Variants in MAML2 observed in about 807,000 individuals in gnomAD.
MAML2 encodes mastermind like transcriptional coactivator 2.
A neutral mutation model predicts 96.1 loss-of-function variants in MAML2; 22 were observed. That is an observed-to-expected ratio of 0.23 (90% confidence interval 0.16 to 0.33). The LOEUF (loss-of-function observed/expected upper bound fraction) is 0.33. Among genes scored for constraint, MAML2 ranks in the 10% least tolerant of loss-of-function variants. MAML2 has a pLI of 1.00. For synonymous variants in MAML2, 561 were observed against 521.3 expected, an observed-to-expected ratio of 1.08 and a Z score of -1.04; for missense variants, 1,367 against 1,392.4, an observed-to-expected ratio of 0.98 and a Z score of 0.29.
At chr11:95,989,363 C>A (rs763328961) in intron 3 of MAML2, among the ~76,000 whole-genome samples, 1 of 152,236 alleles carries the variant, frequency 6.6e-6, no homozygotes, top group Non-Finnish European at 1.5e-5. Flanking sequence ...CATTCTCATT[C>A]ATCTCACAGT....
At chr11:96,037,186 A>G (rs1858728238) in intron 2 of MAML2, among the ~76,000 whole-genome samples, 4 of 149,018 alleles carry the variant, frequency 2.7e-5, no homozygotes, top group Admixed American at 2.0e-4. Flanking sequence ...GAAAATAAAA[A>G]ATAAAAAAAC....
At chr11:96,303,902 G>A (rs529075) in intron 1 of MAML2, among the ~76,000 whole-genome samples, 14 of 151,944 alleles carry the variant, frequency 9.2e-5, no homozygotes, top group African/African-American at 3.1e-4. Context: ...AAAACAAAAA[G>A]AAAAAATATA....
chr11:96,176,511 T>C (rs902566390), intron 1 of MAML2, among the ~76,000 whole-genome samples: 1 of 152,178 alleles, frequency 6.6e-6, no homozygotes, highest in Admixed American at 6.5e-5. Context: ...GTGCTGCTGA[T>C]GGTCAGTAGG....
chr11:96,166,233 C>A (rs1861192845), intron 1 of MAML2, among the ~76,000 whole-genome samples: 1 of 147,734 alleles, frequency 6.8e-6, no homozygotes, highest in African/African-American at 2.5e-5. Context: ...TTATGAAGGA[C>A]TTTCAGGCTG....
chr11:96,325,632 T>C (rs1326860789), intron 1 of MAML2, among the ~76,000 whole-genome samples: 1 of 152,170 alleles, frequency 6.6e-6, no homozygotes, highest in Non-Finnish European at 1.5e-5. Flanking sequence ...CTGATCATTT[T>C]TTTTTTTCTG....
chr11:96,085,644 G>GTT (rs1344539607), intron 2 of MAML2, among the ~76,000 whole-genome samples: 2 of 152,096 alleles, frequency 1.3e-5, no homozygotes, highest in African/African-American at 4.8e-5. Flanking sequence ...TCTTTCCCTA[G>GTT]TTGGAAACTT....
chr11:96,122,369 C>A (rs1860362906), intron 1 of MAML2, among the ~76,000 whole-genome samples: 1 of 151,938 alleles, frequency 6.6e-6, no homozygotes, highest in Non-Finnish European at 1.5e-5. Context: ...TGCAGAAAAT[C>A]CTTCAGCCTA....
chr11:96,115,492 C>G (rs1860220416), intron 1 of MAML2, among the ~76,000 whole-genome samples: 1 of 151,524 alleles, frequency 6.6e-6, no homozygotes, highest in Non-Finnish European at 1.5e-5. Context: ...TTTTTAAACC[C>G]CATTCATACT....
chr11:96,234,179 G>A (rs1374047773), intron 1 of MAML2, among the ~76,000 whole-genome samples: 1 of 152,102 alleles, frequency 6.6e-6, no homozygotes, highest in Non-Finnish European at 1.5e-5. Flanking sequence ...AACACACCAA[G>A]CAGTTAAAAT....
At chr11:96,091,483 C>T (rs567402559) in intron 2 of MAML2, among the ~76,000 whole-genome samples, 10 of 100,102 alleles carry the variant, frequency 1.0e-4, no homozygotes, top group Admixed American at 4.4e-4. Flanking sequence ...CTCAATCCCA[C>T]CTCCAGCTTT....
chr11:96,189,780 A>C (rs748626750), intron 1 of MAML2, among the ~76,000 whole-genome samples: 1 of 152,234 alleles, frequency 6.6e-6, no homozygotes, highest in Admixed American at 6.5e-5. Flanking sequence ...CTAATTCTTC[A>C]TTCAGAAAAG....
intron 2 of MAML2, among the ~76,000 whole-genome samples, chr11:96,084,445 A>T (rs577788626): frequency 6.6e-6 from 1 of 152,288 alleles, no homozygotes; most frequent in South Asian, 2.1e-4. Flanking sequence ...GATATGTTTT[A>T]TCCAAGGGCA....
chr11:96,041,336 C>CAA (rs528688136), intron 2 of MAML2, among the ~76,000 whole-genome samples: 9,611 of 132,836 alleles, frequency 0.072, 376 homozygotes, highest in African/African-American at 0.11. Context: ...ACTAAAAATA[C>CAA]AAAAAAAAAA....
chr11:96,028,616 C>A (rs754462523), intron 2 of MAML2, among the ~76,000 whole-genome samples: 53 of 152,122 alleles, frequency 3.5e-4, no homozygotes, highest in Non-Finnish European at 7.2e-4. Context: ...TAATAAATAT[C>A]TGTAGAAAGA....
At chr11:96,268,911 T>G (rs1862870450) in intron 1 of MAML2, among the ~76,000 whole-genome samples, 1 of 144,810 alleles carries the variant, frequency 6.9e-6, no homozygotes, top group South Asian at 2.2e-4. Flanking sequence ...CTTAAGTATG[T>G]CTTTATTGGC....
intron 1 of MAML2, among the ~76,000 whole-genome samples, chr11:96,204,962 T>C (rs1861876377): frequency 6.6e-6 from 1 of 152,262 alleles, no homozygotes; most frequent in African/African-American, 2.4e-5. Context: ...ATCAGTGAAC[T>C]TCTTAAGAAT....
chr11:96,211,446 TAAA>T (rs5793789), intron 1 of MAML2, among the ~76,000 whole-genome samples: 2 of 141,622 alleles, frequency 1.4e-5, no homozygotes, highest in African/African-American at 2.6e-5. Context: ...TCTTTGAAAT[TAAA>T]AAAAAAAAAA....
At chr11:96,053,721 T>A (rs1859021508) in intron 2 of MAML2, among the ~76,000 whole-genome samples, 1 of 152,186 alleles carries the variant, frequency 6.6e-6, no homozygotes, top group Admixed American at 6.5e-5. Context: ...GGTGATTACA[T>A]AATGTGACTC....
In MAML2 at chr11:96,167,500, CAGA is replaced by C. The variant is rs367560156; in HGVS notation, c.514-73986_514-73984del. On this transcript the variant is annotated intron_variant, in intron 1 of 4. Coordinates refer to ENST00000524717, the MANE Select transcript of MAML2 (RefSeq NM_032427.4). ...CTAATCTAAATTCTTTCGCACAGAG[CAGA>C]AGATCTTTCACTCTCAGCCTCCTCT... Among the ~76,000 whole-genome samples the C allele has an allele frequency of 1.8e-4, 28 of 152,316 alleles. No homozygotes were observed. In the East Asian group the frequency reaches 5.2e-3, roughly 28 times the overall value.
Sources: allele counts gnomAD v4.1 joint callset (sites outside exome capture counted in the v4.1 genomes callset), GRCh38; gene constraint gnomAD v4.1.1; transcripts MANE v1.5; gene names NCBI Gene and HGNC (gene_info 2026-07-23, HGNC 2026-07-21).